GPC6: variants seen among roughly 807,000 people sequenced by gnomAD.
GPC6 encodes the protein glypican 6.
A neutral mutation model predicts 55.2 loss-of-function variants in GPC6; 14 were observed. That is an observed-to-expected ratio of 0.25 (90% CI 0.17 to 0.40). The LOEUF (loss-of-function observed/expected upper bound fraction) is 0.40. Among genes scored for constraint, GPC6 ranks in the 10% least tolerant of loss-of-function variants. GPC6 has a pLI of 1.00. For synonymous variants in GPC6, 278 were observed against 259.6 expected, an observed-to-expected ratio of 1.07 and a Z score of -0.68; for missense variants, 641 against 708.5, an observed-to-expected ratio of 0.90 and a Z score of 1.08.
intron 1 of GPC6, among the ~76,000 whole-genome samples, chr13:93,392,511 T>A (rs1194870052): frequency 6.6e-6 from 1 of 152,296 alleles, no homozygotes; most frequent in East Asian, 1.9e-4. Flanking sequence ...TTTGCAGAAA[T>A]ACCCCAATGC....
chr13:93,908,752 C>G (rs1363311726), intron 3 of GPC6, among the ~76,000 whole-genome samples: 1 of 152,160 alleles, frequency 6.6e-6, no homozygotes, highest in African/African-American at 2.4e-5. Flanking sequence ...TCTTTCTACT[C>G]CAGCTTTCTT....
chr13:94,114,733 A>G (rs1886373651), intron 4 of GPC6, among the ~76,000 whole-genome samples: 1 of 152,188 alleles, frequency 6.6e-6, no homozygotes, highest in Admixed American at 6.6e-5. Flanking sequence ...GGTGAAAAAG[A>G]TAAGACCAAG....
chr13:93,332,498 A>G (rs1879889750), intron 1 of GPC6, among the ~76,000 whole-genome samples: 1 of 151,996 alleles, frequency 6.6e-6, no homozygotes, highest in Non-Finnish European at 1.5e-5. Flanking sequence ...CTTGCTGGCC[A>G]TTTTTATGTC....
At chr13:94,326,298 C>T (rs1236878701) in intron 6 of GPC6, among the ~76,000 whole-genome samples, 1 of 151,916 alleles carries the variant, frequency 6.6e-6, no homozygotes, top group Non-Finnish European at 1.5e-5. Flanking sequence ...CATCTTGACT[C>T]CTCTCCTTTT....
intron 1 of GPC6, among the ~76,000 whole-genome samples, chr13:93,346,862 A>G (rs1218454433): frequency 6.6e-6 from 1 of 152,176 alleles, no homozygotes; most frequent in Non-Finnish European, 1.5e-5. Flanking sequence ...ATTTAGTCAT[A>G]TAATTTCTAA....
chr13:93,386,949 T>C (rs775901185), intron 1 of GPC6, among the ~76,000 whole-genome samples: 6 of 152,184 alleles, frequency 3.9e-5, no homozygotes, highest in Non-Finnish European at 8.8e-5. Flanking sequence ...CTGTCACTTA[T>C]GAGGGCATTC....
chr13:93,602,660 C>G (rs1019467565), intron 2 of GPC6, among the ~76,000 whole-genome samples: 2 of 152,084 alleles, frequency 1.3e-5, no homozygotes, highest in African/African-American at 4.8e-5. Flanking sequence ...TAGTATTAAT[C>G]AATCATGAAA....
At position 93,309,486 on chromosome 13, in the gene GPC6, A is replaced by C. The variant is rs1289709210; in HGVS notation, c.160+81870A>C. 2.0e-5 allele frequency among the ~76,000 whole-genome samples: 3 copies of C among 152,188 alleles called. No homozygotes were observed. In the South Asian group the frequency reaches 6.2e-4, roughly 32 times the overall value. ...ACTTTGTCAACTTAACACACAATGTATTTTTATATGTATTTTTCTAACTTA... is the reference window on the plus strand; with the variant it reads ...ACTTTGTCAACTTAACACACAATGTCTTTTTATATGTATTTTTCTAACTTA... On this transcript the variant is annotated intron_variant, in intron 1 of 8. Coordinates refer to ENST00000377047, the MANE Select transcript of GPC6 (RefSeq NM_005708.5).
At chr13:93,507,126 C>T (rs1880765793) in intron 1 of GPC6, among the ~76,000 whole-genome samples, 1 of 146,602 alleles carries the variant, frequency 6.8e-6, no homozygotes, top group East Asian at 2.1e-4. Flanking sequence ...AAGGACTGGT[C>T]AACTTACTTG....
intron 3 of GPC6, among the ~76,000 whole-genome samples, chr13:93,978,380 A>G (rs1410513927): frequency 6.6e-6 from 1 of 152,316 alleles, no homozygotes; most frequent in South Asian, 2.1e-4. Context: ...GAAGAACACC[A>G]GAACTTGTTC....
chr13:93,276,971 C>T (rs1259449564), intron 1 of GPC6, among the ~76,000 whole-genome samples: 2 of 152,226 alleles, frequency 1.3e-5, no homozygotes, highest in Non-Finnish European at 1.5e-5. Context: ...GTTTTTGAGG[C>T]AGTAGAGATT....
intron 2 of GPC6, among the ~76,000 whole-genome samples, chr13:93,814,317 T>G (rs1886783313): frequency 1.3e-5 from 2 of 152,200 alleles, no homozygotes; most frequent in South Asian, 4.1e-4. Flanking sequence ...AAGCATGTTT[T>G]AATTATTGAT....
intron 1 of GPC6, among the ~76,000 whole-genome samples, chr13:93,324,185 G>A (rs1879558875): frequency 6.6e-6 from 1 of 152,122 alleles, no homozygotes; most frequent in Non-Finnish European, 1.5e-5. Context: ...AGTGAAATAA[G>A]CCAGGCACAG....
intron 1 of GPC6, among the ~76,000 whole-genome samples, chr13:93,514,074 G>T (rs368631641): frequency 6.5e-4 from 98 of 151,806 alleles, no homozygotes; most frequent in African/African-American, 2.3e-3. Context: ...GAGTTTCACC[G>T]TGTTGGCCAG....
At chr13:93,795,847 A>T (rs904348922) in intron 2 of GPC6, among the ~76,000 whole-genome samples, 2 of 152,082 alleles carry the variant, frequency 1.3e-5, no homozygotes, top group African/African-American at 4.8e-5. Flanking sequence ...ATTTTAATAC[A>T]TGGGGAAGTA....
chr13:93,927,315 A>G (rs534251416), intron 3 of GPC6, among the ~76,000 whole-genome samples: 1 of 152,250 alleles, frequency 6.6e-6, no homozygotes, highest in Admixed American at 6.5e-5. Flanking sequence ...ATGAATAATG[A>G]CTTTGTTTTC....
At chr13:93,539,032 A>G (rs895191105) in intron 1 of GPC6, among the ~76,000 whole-genome samples, 1 of 152,104 alleles carries the variant, frequency 6.6e-6, no homozygotes, top group African/African-American at 2.4e-5. Context: ...GCACCCACCA[A>G]CGTGTCATCC....
At chr13:93,969,428 A>G (rs1291995359) in intron 3 of GPC6, among the ~76,000 whole-genome samples, 1 of 152,154 alleles carries the variant, frequency 6.6e-6, no homozygotes, top group Non-Finnish European at 1.5e-5. Flanking sequence ...AGTGTATGCC[A>G]GGGATGCCTA....
chr13:93,875,919 A>G (rs1889277770), intron 3 of GPC6, among the ~76,000 whole-genome samples: 1 of 152,022 alleles, frequency 6.6e-6, no homozygotes, highest in Non-Finnish European at 1.5e-5. Context: ...AATTAATAAC[A>G]TCTTTCTAAC....
Sources: allele counts gnomAD v4.1 joint callset (sites outside exome capture counted in the v4.1 genomes callset), GRCh38; gene constraint gnomAD v4.1.1; transcripts MANE v1.5; gene names NCBI Gene and HGNC (gene_info 2026-07-23, HGNC 2026-07-21).